Variants in EYS observed in about 807,000 individuals in gnomAD.
EYS encodes the protein protein eyes shut homolog.
EYS carries 250 observed loss-of-function variants against 282.1 expected under a neutral mutation model. The ratio of observed to expected loss-of-function variants is 0.89; its 90% CI spans 0.80 to 0.98. The LOEUF (loss-of-function observed/expected upper bound fraction) is 0.98. Ranked by LOEUF, EYS falls within the 50% of genes least tolerant of loss-of-function variation. EYS has a pLI of 0.00. For synonymous variants in EYS, 1,355 were observed against 1,282.9 expected, an observed-to-expected ratio of 1.06 and a Z score of -1.20; for missense variants, 4,016 against 3,709.0, an observed-to-expected ratio of 1.08 and a Z score of -2.15.
At chr6:64,612,558 G>A (rs558558898) in intron 24 of EYS, among the ~76,000 whole-genome samples, 2 of 152,130 alleles carry the variant, frequency 1.3e-5, no homozygotes, top group South Asian at 4.1e-4. Context: ...TTTGTAATTG[G>A]ATCTGCTTAA....
At chr6:65,588,399 C>CG (rs1455928535) in intron 2 of EYS, among the ~76,000 whole-genome samples, 2 of 149,530 alleles carry the variant, frequency 1.3e-5, no homozygotes, top group Admixed American at 6.7e-5. Context: ...TGTCATGTGG[C>CG]GGGGGGAGTA....
At chr6:65,583,036 C>A (rs1205419380) in intron 2 of EYS, among the ~76,000 whole-genome samples, 1 of 151,852 alleles carries the variant, frequency 6.6e-6, no homozygotes, top group Non-Finnish European at 1.5e-5. Context: ...ATATTGATCC[C>A]TATAATGCAA....
chr6:64,794,490 A>T (rs1237646852), intron 22 of EYS, among the ~76,000 whole-genome samples: 1 of 152,136 alleles, frequency 6.6e-6, no homozygotes, highest in African/African-American at 2.4e-5. Flanking sequence ...TCTTCTGCCC[A>T]CCATGTGAAG....
chr6:64,775,485 C>T (rs984188871), intron 22 of EYS, among the ~76,000 whole-genome samples: 5 of 151,776 alleles, frequency 3.3e-5, no homozygotes, highest in East Asian at 1.9e-4. Flanking sequence ...TTTTATAAAA[C>T]GGGCATAAAA....
chr6:64,634,468 T>C (rs1400966331), intron 22 of EYS, among the ~76,000 whole-genome samples: 2 of 151,236 alleles, frequency 1.3e-5, no homozygotes, highest in Admixed American at 6.6e-5. Context: ...GGATAGCTCA[T>C]AGGCTAATAC....
intron 26 of EYS, among the ~76,000 whole-genome samples, chr6:64,461,910 C>T (rs958387618): frequency 6.6e-6 from 1 of 152,024 alleles, no homozygotes; most frequent in African/African-American, 2.4e-5. Context: ...ATTTGGAACT[C>T]ATACTATTGA....
At chr6:64,069,080 G>A (rs1771479300) in intron 32 of EYS, among the ~76,000 whole-genome samples, 1 of 152,046 alleles carries the variant, frequency 6.6e-6, no homozygotes, top group Non-Finnish European at 1.5e-5. Context: ...GCCACCAGAA[G>A]CTGGAAGAGG....
At chr6:65,389,274 T>G (rs766820689) in intron 7 of EYS, among the ~76,000 whole-genome samples, 12 of 152,142 alleles carry the variant, frequency 7.9e-5, no homozygotes, top group Non-Finnish European at 1.3e-4. Flanking sequence ...GATTCTGGTT[T>G]CTCTTCTAAC....
At chr6:65,633,969 T>C (rs1325196898) in intron 2 of EYS, among the ~76,000 whole-genome samples, 1 of 150,092 alleles carries the variant, frequency 6.7e-6, no homozygotes, top group Non-Finnish European at 1.5e-5. Context: ...CTAGAGAATA[T>C]GAAAAGCTAA....
chr6:65,471,848 A>G (rs1473276071), intron 5 of EYS, among the ~76,000 whole-genome samples: 2 of 152,140 alleles, frequency 1.3e-5, no homozygotes, highest in Non-Finnish European at 2.9e-5. Flanking sequence ...GTCATGTTAA[A>G]CTATATTTCA....
intron 22 of EYS, among the ~76,000 whole-genome samples, chr6:64,664,852 TTTG>T (rs949059845): frequency 5.9e-5 from 9 of 152,300 alleles, no homozygotes; most frequent in Admixed American, 5.9e-4. Flanking sequence ...GAAATAAATT[TTTG>T]TTGTTTACAA....
intron 26 of EYS, among the ~76,000 whole-genome samples, chr6:64,488,748 C>T (rs1301999058): frequency 6.6e-6 from 1 of 150,958 alleles, no homozygotes; most frequent in African/African-American, 2.4e-5. Flanking sequence ...ATGTAGATAG[C>T]ATGCTAAAGT....
chr6:64,307,175 T>A, intron 29 of EYS, 93 bp from the exon 30 acceptor site: 1 of 634,466 alleles, frequency 1.6e-6, no homozygotes, highest in Non-Finnish European at 2.7e-6. Context: ...GGTATGCAAC[T>A]GGATTTGGAG....
intron 36 of EYS, among the ~76,000 whole-genome samples, chr6:63,845,274 G>T (rs1310716892): frequency 6.6e-6 from 1 of 152,150 alleles, no homozygotes; most frequent in Non-Finnish European, 1.5e-5. Flanking sequence ...CTTGTTCAAG[G>T]CCATGTAGCT....
intron 2 of EYS, among the ~76,000 whole-genome samples, chr6:65,574,961 G>T (rs1403795672): frequency 1.3e-5 from 2 of 151,992 alleles, no homozygotes; most frequent in Non-Finnish European, 1.5e-5. Context: ...AATGGTAAGA[G>T]AAATTTCAAA....
At position 65,695,604 on chromosome 6, in the gene EYS, C is replaced by T. The variant is rs983925684; in HGVS notation, c.-448+11531G>A. ...GGGTCACAGCCATATTAAGCTGATGCCTATTAAATATCAAGGAGTCAATCA... is the reference window on the plus strand; with the variant it reads ...GGGTCACAGCCATATTAAGCTGATGTCTATTAAATATCAAGGAGTCAATCA... On this transcript the variant is annotated intron_variant, in intron 1 of 42. Transcript: ENST00000503581. Among the ~76,000 whole-genome samples, 6 of 150,080 alleles carry T rather than the reference C, an allele frequency of 4.0e-5. No individual in the cohort carries two copies. The Admixed American group carries it at 4.0e-4, about 10-fold the overall frequency.
chr6:64,466,684 C>T (rs1775930668), intron 26 of EYS, among the ~76,000 whole-genome samples: 1 of 151,958 alleles, frequency 6.6e-6, no homozygotes, highest in South Asian at 2.1e-4. Context: ...AAAATGGTGA[C>T]TCTAGTTAAT....
intron 31 of EYS, among the ~76,000 whole-genome samples, chr6:64,090,089 A>T (rs922214605): frequency 6.6e-6 from 1 of 152,142 alleles, no homozygotes; most frequent in East Asian, 1.9e-4. Flanking sequence ...ATCGTTTAGC[A>T]CACCAACAAG....
intron 31 of EYS, among the ~76,000 whole-genome samples, chr6:64,212,200 A>T (rs1051873600): frequency 6.6e-6 from 1 of 152,084 alleles, no homozygotes; most frequent in African/African-American, 2.4e-5. Context: ...GTAATTTCTA[A>T]TAATCTCATC....
Sources: gnomAD v4.1 joint callset for allele counts (sites outside exome capture counted in the v4.1 genomes callset) on GRCh38, gnomAD v4.1.1 for gene constraint, MANE v1.5 for transcripts, NCBI Gene and HGNC (gene_info 2026-07-23, HGNC 2026-07-21) for gene names.